Variants in MTFR2 observed in about 807,000 individuals in gnomAD.
The protein encoded by MTFR2 is DUF729 domain-containing protein 1.
MTFR2 carries 44 observed loss-of-function variants against 41.2 expected under a neutral mutation model. That is an observed-to-expected ratio of 1.07 (90% CI 0.84 to 1.37). The LOEUF is 1.37. Among genes scored for constraint, MTFR2 ranks in the 40% most tolerant of loss-of-function variants. The pLI, the probability that MTFR2 is intolerant of heterozygous loss-of-function variation, is 0.00. For synonymous variants in MTFR2, 141 were observed against 154.6 expected (o/e 0.91, Z 0.65); for missense variants, 452 against 459.5 (o/e 0.98, Z 0.15).
rs571662284 is a variant in MTFR2, at chr6:136,240,894, A to G, written c.514+550T>C. Among the ~76,000 whole-genome samples the G allele has an allele frequency of 8.0e-3, 1,220 of 152,274 alleles. 13 individuals are homozygous for G. The highest frequency in any genetic ancestry group is 0.026 in the African/African-American group (1,093 of 41,546). ...ATCACGAGGTCAGGAGATCGAGACC[A>G]TCCTGGCTAACACGGTGAAACCCCG... On this transcript the variant is annotated intron_variant, in intron 5 of 7. Coordinates refer to ENST00000420702, the MANE Select transcript of MTFR2 (RefSeq NM_001099286.3).
At chr6:136,241,046 G>C (rs375900625) in intron 5 of MTFR2, among the ~76,000 whole-genome samples, 16 of 150,300 alleles carry the variant, frequency 1.1e-4, no homozygotes, top group South Asian at 2.1e-4. Flanking sequence ...AGCCAAGATC[G>C]TGCCACTGCA....
chr6:136,249,784 G>C (rs1474869776), intron 1 of MTFR2, among the ~76,000 whole-genome samples, 192 bp downstream of exon 1: 1 of 152,124 alleles, frequency 6.6e-6, no homozygotes, highest in East Asian at 1.9e-4. Flanking sequence ...AGCAATGATT[G>C]TGAGGCCTCC....
intron 6 of MTFR2, among the ~76,000 whole-genome samples, chr6:136,237,193 G>T (rs910770505): frequency 2.0e-5 from 3 of 152,194 alleles, no homozygotes; most frequent in African/African-American, 7.2e-5. Flanking sequence ...CAGCTCTGGG[G>T]TGTGGCCAAC....
At chr6:136,242,094 A>AC (rs1780094082) in intron 4 of MTFR2, among the ~76,000 whole-genome samples, 8 of 149,968 alleles carry the variant, frequency 5.3e-5, no homozygotes, top group African/African-American at 2.0e-4. Flanking sequence ...AAAAAAAAAA[A>AC]AAAAAAAAAA....
intron 6 of MTFR2, among the ~76,000 whole-genome samples, chr6:136,237,055 T>C (rs1442621487): frequency 6.6e-6 from 1 of 152,162 alleles, no homozygotes; most frequent in Non-Finnish European, 1.5e-5. Flanking sequence ...TCTCTCTTGC[T>C]CCTCTTTCCC....
At position 136,231,304 on chromosome 6, in the gene MTFR2, T is replaced by G. The variant is rs1175565170; in HGVS notation, c.1129A>C (p.Asn377His). The change falls in exon 8 of 8, where the codon AAC becomes CAC. Residue 377 changes from asparagine (N) to histidine (H), a missense_variant. By Grantham distance (68) the Asn-to-His change is moderately conservative (BLOSUM62 1). Transcript: ENST00000420702. ...NTKAVDQGIS[N>H]TSLLNSRI ...ATCCTTGAGTTTAGAAGGCTTGTGT[T>G]GCTGATACCTTGGTCAACAGCTTTT... 6.2e-7 allele frequency: 1 copy of G among 1,612,586 alleles called. No homozygotes were observed. The highest frequency in any genetic ancestry group is 1.3e-5 in the African/African-American group (1 of 75,020).
At position 136,241,499 on chromosome 6, in the gene MTFR2, G is replaced by A; in HGVS notation, c.459C>T (p.Arg153=). The change falls in exon 5 of 8, where the codon CGC becomes CGT. Residue 153 remains arginine, a synonymous_variant. Transcript: ENST00000420702. The part of the protein sequence containing the change: ...AALENELTFL[R]SQIAAIVEMQ... ...TTTCCACAATTGCTGCAATCTGAGAGCGAAGAAAAGTCAGCTCATTTTCAA... is the reference window on the plus strand; with the variant it reads ...TTTCCACAATTGCTGCAATCTGAGAACGAAGAAAAGTCAGCTCATTTTCAA... 14 of 1,614,076 alleles carry A rather than the reference G, an allele frequency of 8.7e-6. No individual in the cohort carries two copies. The highest frequency in any genetic ancestry group is 1.2e-5 in the Non-Finnish European group (14 of 1,180,000).
intron 4 of MTFR2, among the ~76,000 whole-genome samples, chr6:136,241,985 C>T (rs2128458594): frequency 6.9e-6 from 1 of 144,294 alleles, no homozygotes; most frequent in Non-Finnish European, 1.5e-5. Context: ...GAGGCTGAGG[C>T]AGGAGAATCA....
At chr6:136,233,530 T>G in intron 6 of MTFR2, 31 bp from the exon 7 acceptor site, 1 of 1,444,654 alleles carries the variant, frequency 6.9e-7, no homozygotes, top group Non-Finnish European at 9.2e-7. Context: ...TTGAATTTAT[T>G]AAAACTTGGA....
Position 136,243,014 on chromosome 6 carries a change from G to C in MTFR2, c.169-41C>G, listed in dbSNP as rs140325976. On this transcript the variant is annotated intron_variant, in intron 3 of 7. Coordinates refer to ENST00000420702, the MANE Select transcript of MTFR2 (RefSeq NM_001099286.3). ...AAAAAAATAGTCAGAGCTCTGCAGGGAGTCAGGAGAAGACACATGCCCCAT... is the reference window on the plus strand; with the variant it reads ...AAAAAAATAGTCAGAGCTCTGCAGGCAGTCAGGAGAAGACACATGCCCCAT... 24 of 1,405,150 alleles carry C rather than the reference G, an allele frequency of 1.7e-5. No homozygotes were observed. In the East Asian group the frequency reaches 5.4e-4, roughly 32 times the overall value. The allele number at this position is 1,405,150 out of a possible 1,614,324, so 87.0% of individuals were successfully genotyped here. A position where few individuals can be genotyped will look rare whatever the true frequency, so the allele number is the denominator to read the frequency against.
intron 6 of MTFR2, among the ~76,000 whole-genome samples, chr6:136,239,153 G>A (rs559568068): frequency 4.6e-5 from 7 of 152,170 alleles, no homozygotes; most frequent in South Asian, 2.1e-4. Context: ...TCAGGAAGAC[G>A]TGGCAAGATG....
At chr6:136,242,780 G>T (rs546381849) in intron 4 of MTFR2, 81 bp downstream of exon 4, 67 of 1,039,860 alleles carry the variant, frequency 6.4e-5, no homozygotes, top group Non-Finnish European at 8.7e-5. Context: ...AAACAAAAAA[G>T]CTCAATCAAT....
rs758109914 is a variant in MTFR2, at chr6:136,241,684, T to C, written c.282-8A>G. 2 of 1,587,396 alleles carry C rather than the reference T, an allele frequency of 1.3e-6. No individual in the cohort carries two copies. The highest frequency in any genetic ancestry group is 2.7e-5 in the African/African-American group (2 of 72,856). On this transcript the variant is annotated splice_polypyrimidine_tract_variant and splice_region_variant and intron_variant, in intron 4 of 7. Coordinates refer to ENST00000420702, the MANE Select transcript of MTFR2 (RefSeq NM_001099286.3). ...TTTTTCCATATACTATTTCTGTGGGTGAAAAAAAATAGGAAATGGAGGGAA... is the reference window on the plus strand; with the variant it reads ...TTTTTCCATATACTATTTCTGTGGGCGAAAAAAAATAGGAAATGGAGGGAA...
chr6:136,243,782 A>G (rs1366366124), intron 3 of MTFR2, among the ~76,000 whole-genome samples: 2 of 151,700 alleles, frequency 1.3e-5, no homozygotes, highest in Non-Finnish European at 2.9e-5. Context: ...ATTCCAGGAG[A>G]AGGTATTGTT....
intron 5 of MTFR2, among the ~76,000 whole-genome samples, chr6:136,240,962 G>T (rs558281520): frequency 7.6e-4 from 116 of 152,226 alleles, no homozygotes; most frequent in East Asian, 9.7e-4. Flanking sequence ...GTGGTGGCGG[G>T]CGCCTGTAGT....
Position 136,233,332 on chromosome 6 carries a change from G to C in MTFR2, c.1037C>G (p.Thr346Ser), listed in dbSNP as rs14215. The C allele has an allele frequency of 3.7e-6, 6 of 1,612,180 alleles. No individual in the cohort carries two copies. The highest frequency in any genetic ancestry group is 1.1e-5 in the South Asian group (1 of 90,860). Residue 346 changes from threonine (T) to serine (S), a missense_variant, in exon 7 of 8, where the codon ACT becomes AGT. Transcript: ENST00000420702. ...WESSPFSSPE[T>S]SRFGHHISQS... ...TACATTAGTGTAGCTTACCCTTGAA[G>C]TTTCTGGACTAGAAAATGGGGAAGA...
rs146804294 is a variant in MTFR2 at position 136,244,150 on chromosome 6, T to A, written c.168+615A>T. 3.8e-3 allele frequency among the ~76,000 whole-genome samples: 572 copies of A among 152,290 alleles called. 5 individuals are homozygous for A. The highest frequency in any genetic ancestry group is 6.4e-3 in the Non-Finnish European group (432 of 68,012). On this transcript the variant is annotated intron_variant, in intron 3 of 7. Coordinates refer to ENST00000420702, the MANE Select transcript of MTFR2 (RefSeq NM_001099286.3). ...TGTATTATTGAAGAAAGGGTTTTTG[T>A]ATAAATTTAGTGTAGCCTAAGTGTA...
intron 5 of MTFR2, among the ~76,000 whole-genome samples, chr6:136,240,721 T>TG (rs1162272700): frequency 2.6e-5 from 4 of 152,208 alleles, no homozygotes; most frequent in African/African-American, 4.8e-5. Flanking sequence ...AAACATATGA[T>TG]GCCTCAAACC....
At chr6:136,235,431 A>G (rs543937306) in intron 6 of MTFR2, among the ~76,000 whole-genome samples, 2 of 152,310 alleles carry the variant, frequency 1.3e-5, no homozygotes, top group South Asian at 2.1e-4. Flanking sequence ...CGTTTGAGTC[A>G]TAAGCATACA....
Sources: gnomAD v4.1 joint callset for allele counts (sites outside exome capture counted in the v4.1 genomes callset) on GRCh38, gnomAD v4.1.1 for gene constraint, MANE v1.5 for transcripts, NCBI Gene and HGNC (gene_info 2026-07-23, HGNC 2026-07-21) for gene names.